The following CA10 variants were observed in gnomAD, a reference collection of about 807,000 sequenced individuals.
CA10 encodes carbonic anhydrase 10 (inactive), also known as carbonic anhydrase-related protein 10.
Under a neutral mutation model 44.2 loss-of-function variants are expected in CA10, and 14 were observed. That is an observed-to-expected ratio of 0.32 (90% CI 0.21 to 0.50). CA10 has a LOEUF of 0.50. CA10 is among the 20% of genes least tolerant of loss of function. The pLI is 0.99. For synonymous variants in CA10, 159 were observed against 141.6 expected, an observed-to-expected ratio of 1.12 and a Z score of -0.87; for missense variants, 350 against 409.7, an observed-to-expected ratio of 0.85 and a Z score of 1.26.
chr17:51,928,963 C>G (rs554689538), intron 3 of CA10, among the ~76,000 whole-genome samples: 24 of 152,098 alleles, frequency 1.6e-4, no homozygotes, highest in Non-Finnish European at 3.2e-4. Context: ...CTCTTCAAAC[C>G]ACTGACAACA....
chr17:51,766,760 T>G (rs986863795), intron 3 of CA10, among the ~76,000 whole-genome samples: 7 of 152,226 alleles, frequency 4.6e-5, no homozygotes, highest in Non-Finnish European at 5.9e-5. Context: ...AAAGTAAGGT[T>G]GCTGTTAACT....
At chr17:51,762,767 C>G (rs1352667297) in intron 3 of CA10, 1 of 152,114 alleles carries the variant, frequency 6.6e-6, no homozygotes, top group Admixed American at 6.5e-5. Context: ...CATACACTAG[C>G]AAGAAAAGGA....
chr17:52,005,897 G>A (rs944637765), intron 2 of CA10, among the ~76,000 whole-genome samples: 4 of 151,840 alleles, frequency 2.6e-5, no homozygotes, highest in Non-Finnish European at 5.9e-5. Context: ...ACTTGAAGAG[G>A]TAAGAAAGGT....
chr17:51,749,173 A>C (rs1482618696), intron 3 of CA10, among the ~76,000 whole-genome samples: 1 of 152,216 alleles, frequency 6.6e-6, no homozygotes, highest in Admixed American at 6.5e-5. Context: ...AGTTTACAAA[A>C]ATGACAGGAA....
At chr17:51,951,987 T>C (rs1983502030) in intron 2 of CA10, among the ~76,000 whole-genome samples, 1 of 152,196 alleles carries the variant, frequency 6.6e-6, no homozygotes, top group African/African-American at 2.4e-5. Flanking sequence ...CGTGTGGTTT[T>C]GAGTTTCTTG....
chr17:52,056,184 G>A (rs1415074277), intron 2 of CA10, among the ~76,000 whole-genome samples: 3 of 152,064 alleles, frequency 2.0e-5, no homozygotes, highest in African/African-American at 7.2e-5. Flanking sequence ...CACTCTTCCA[G>A]AAAGGAAGAG....
At chr17:51,820,940 T>C (rs911234111) in intron 3 of CA10, among the ~76,000 whole-genome samples, 3 of 151,996 alleles carry the variant, frequency 2.0e-5, no homozygotes, top group Admixed American at 6.5e-5. Flanking sequence ...TCTTGAGGAT[T>C]GTTACCCCAG....
chr17:51,829,271 G>A (rs1908141653), intron 3 of CA10, among the ~76,000 whole-genome samples: 1 of 152,186 alleles, frequency 6.6e-6, no homozygotes, highest in South Asian at 2.1e-4. Flanking sequence ...CAGCTTCCCT[G>A]CAGTTTCCTC....
intron 3 of CA10, among the ~76,000 whole-genome samples, chr17:51,857,453 T>C (rs1479133484): frequency 6.6e-6 from 1 of 152,166 alleles, no homozygotes; most frequent in South Asian, 2.1e-4. Flanking sequence ...AAGCCAGAGA[T>C]GAAAAGTACT....
chr17:51,880,011 C>T (rs1466067197), intron 3 of CA10, among the ~76,000 whole-genome samples: 5 of 152,170 alleles, frequency 3.3e-5, no homozygotes, highest in African/African-American at 4.8e-5. Flanking sequence ...CTAAGCATGC[C>T]TTTCATATGC....
Position 51,654,802 on chromosome 17 carries a change from C to T in CA10, c.466-1066G>A, listed in dbSNP as rs1047271140. 2.4e-4 allele frequency among the ~76,000 whole-genome samples: 37 copies of T among 152,100 alleles called. 1 individual carries two copies. The highest frequency in any genetic ancestry group is 2.4e-5 in the African/African-American group (1 of 41,416). On this transcript the variant is annotated intron_variant, in intron 4 of 8. Transcript: ENST00000451037. ...CCATCTCCTGACCTCGTGATCCACC[C>T]GCCTTGGCCTCCCAAAGTGCTGGGA...
At chr17:51,890,031 TA>T (rs1276884665) in intron 3 of CA10, among the ~76,000 whole-genome samples, 1 of 152,154 alleles carries the variant, frequency 6.6e-6, no homozygotes, top group African/African-American at 2.4e-5. Flanking sequence ...TCAATTCACT[TA>T]GTTTTCTTCA....
intron 2 of CA10, among the ~76,000 whole-genome samples, chr17:52,010,432 A>T (rs1567701561): frequency 1.3e-5 from 2 of 151,948 alleles, no homozygotes; most frequent in Non-Finnish European, 2.9e-5. Context: ...ACCATGGAAT[A>T]CTACTCAGCC....
chr17:52,051,166 AAAAGAAAC>A (rs1298652085), intron 2 of CA10, among the ~76,000 whole-genome samples: 1 of 151,820 alleles, frequency 6.6e-6, no homozygotes, highest in South Asian at 2.1e-4. Flanking sequence ...GAGAGAGAAG[AAAAGAAAC>A]AAAGGAACAA....
At chr17:51,905,207 T>C (rs1981492845) in intron 3 of CA10, among the ~76,000 whole-genome samples, 1 of 152,180 alleles carries the variant, frequency 6.6e-6, no homozygotes, top group African/African-American at 2.4e-5. Context: ...CGCTTCCCTG[T>C]GGCACTAAGA....
intron 2 of CA10, among the ~76,000 whole-genome samples, chr17:51,959,744 G>C (rs1371371164): frequency 6.9e-6 from 1 of 144,154 alleles, no homozygotes; most frequent in Non-Finnish European, 1.5e-5. Flanking sequence ...AATAGAGCAG[G>C]TTGAGGTTAG....
chr17:52,104,083 T>C (rs1420426113), intron 1 of CA10, among the ~76,000 whole-genome samples: 2 of 152,154 alleles, frequency 1.3e-5, no homozygotes, highest in African/African-American at 2.4e-5. Flanking sequence ...ACAAGTCTAA[T>C]GGACTTAAGA....
intron 1 of CA10, among the ~76,000 whole-genome samples, chr17:52,098,199 T>C (rs1413161118): frequency 1.3e-5 from 2 of 152,240 alleles, no homozygotes; most frequent in African/African-American, 4.8e-5. Flanking sequence ...CACATCTATC[T>C]TTATCCTTCA....
At chr17:51,778,800 T>C (rs902878184) in intron 3 of CA10, among the ~76,000 whole-genome samples, 1 of 152,062 alleles carries the variant, frequency 6.6e-6, no homozygotes, top group Non-Finnish European at 1.5e-5. Context: ...ATCCCAGAAA[T>C]GGGGCCTCTA....
Sources: gnomAD v4.1 joint callset for allele counts (sites outside exome capture counted in the v4.1 genomes callset) on GRCh38, gnomAD v4.1.1 for gene constraint, MANE v1.5 for transcripts, NCBI Gene and HGNC (gene_info 2026-07-23, HGNC 2026-07-21) for gene names.